DLGAP2: variants seen among roughly 807,000 people sequenced by gnomAD.
DLGAP2 encodes the protein DLG associated protein 2, also known as disks large-associated protein 2.
DLGAP2 carries 26 observed loss-of-function variants against 100.3 expected under a neutral mutation model. The observed-to-expected ratio is 0.26, with a 90% CI of 0.19 to 0.36. The LOEUF (loss-of-function observed/expected upper bound fraction) is 0.36, where lower values mean the gene tolerates loss of function less well. DLGAP2 is among the 10% of genes least tolerant of loss of function. DLGAP2 has a pLI of 1.00. For missense variants in DLGAP2, 1,858 were observed against 1,453.2 expected (o/e 1.28, Z -4.53); for synonymous variants, 886 against 630.1 (o/e 1.41, Z -6.08).
intron 8 of DLGAP2, among the ~76,000 whole-genome samples, chr8:1,639,242 G>T (rs772382937): frequency 6.6e-6 from 1 of 152,124 alleles, no homozygotes. Context: ...AGCCCACAGC[G>T]TCAGCATCGT....
chr8:982,152 A>G (rs1310774190), intron 2 of DLGAP2, among the ~76,000 whole-genome samples: 1 of 152,168 alleles, frequency 6.6e-6, no homozygotes, highest in Non-Finnish European at 1.5e-5. Flanking sequence ...GCGAGTGTGG[A>G]CAGGTTGTAT....
intron 2 of DLGAP2, among the ~76,000 whole-genome samples, chr8:1,117,267 G>A (rs1805147057): frequency 6.6e-6 from 1 of 152,196 alleles, no homozygotes; most frequent in African/African-American, 2.4e-5. Context: ...TGAGGCTGAT[G>A]GCACAACCCT....
intron 2 of DLGAP2, among the ~76,000 whole-genome samples, chr8:1,158,528 G>A (rs1479283278): frequency 6.6e-6 from 1 of 152,166 alleles, no homozygotes; most frequent in Non-Finnish European, 1.5e-5. Context: ...TATGTGAGTG[G>A]CTTTCTAAAG....
At chr8:1,183,213 G>A (rs1046096041) in intron 2 of DLGAP2, among the ~76,000 whole-genome samples, 1 of 152,158 alleles carries the variant, frequency 6.6e-6, no homozygotes, top group Non-Finnish European at 1.5e-5. Flanking sequence ...CTCGGAGCGG[G>A]GTCCTGGCGT....
chr8:1,329,746 G>A (rs1253232150), intron 3 of DLGAP2, among the ~76,000 whole-genome samples: 2 of 152,210 alleles, frequency 1.3e-5, no homozygotes, highest in African/African-American at 2.4e-5. Context: ...GGCTTGGGGT[G>A]CATTAGCCCC....
chr8:1,061,396 G>C (rs1487478007), intron 2 of DLGAP2, among the ~76,000 whole-genome samples: 2 of 152,130 alleles, frequency 1.3e-5, no homozygotes, highest in Non-Finnish European at 2.9e-5. Context: ...ATGAGTCCCA[G>C]CTCATCGGCT....
At chr8:859,492 C>G (rs1488821414) in intron 1 of DLGAP2, among the ~76,000 whole-genome samples, 3 of 152,140 alleles carry the variant, frequency 2.0e-5, no homozygotes, top group Non-Finnish European at 4.4e-5. Context: ...TGGTTAGCGG[C>G]ACGTGTGAGC....
At chr8:1,618,014 A>G (rs1041185678) in intron 6 of DLGAP2, among the ~76,000 whole-genome samples, 14 of 152,216 alleles carry the variant, frequency 9.2e-5, no homozygotes, top group Admixed American at 6.5e-4. Flanking sequence ...TAAGGGTGCA[A>G]CATTTAACTC....
chr8:1,172,119 A>G lies in DLGAP2; in HGVS notation c.74-86732A>G, dbSNP rs564450933. ...CTCAGCATTTGCTTGTCTGTAAAGT[A>G]TTTTATTTCTCCTTCACTTATGAAG... is the stretch of plus-strand genomic sequence containing the variant. On this transcript the variant is annotated intron_variant, in intron 2 of 14. Coordinates refer to ENST00000637795, the MANE Select transcript of DLGAP2 (RefSeq NM_001346810.2). Among the ~76,000 whole-genome samples the G allele has an allele frequency of 7.4e-3, 1,127 of 151,562 alleles. 4 individuals are homozygous for G. Among genetic ancestry groups the G allele is most frequent in the Non-Finnish European group, 0.012 (820 of 67,640 alleles).
At chr8:947,070 A>G (rs1799344393) in intron 2 of DLGAP2, among the ~76,000 whole-genome samples, 1 of 152,062 alleles carries the variant, frequency 6.6e-6, no homozygotes, top group Admixed American at 6.5e-5. Context: ...CCCAAGAGAG[A>G]CTTTCTAGTT....
At position 1,549,162 on chromosome 8, in the gene DLGAP2, CAGA is replaced by C; in HGVS notation, c.712_714del (p.Lys238del). ...GATCCGCCACCTGGTACACTCCGTG[CAGA>C]AGCTCTTCACCAAGTCGCACTCGCT... On this transcript the variant is annotated inframe_deletion, in exon 5 of 15. Transcript: ENST00000637795. The C allele has an allele frequency of 6.3e-7, 1 of 1,597,972 alleles. No individual in the cohort carries two copies. Among genetic ancestry groups the C allele is most frequent in the Non-Finnish European group, 8.5e-7 (1 of 1,173,386 alleles).
chr8:1,122,753 C>G (rs931706501), intron 2 of DLGAP2, among the ~76,000 whole-genome samples: 1 of 151,794 alleles, frequency 6.6e-6, no homozygotes, highest in Non-Finnish European at 1.5e-5. Flanking sequence ...CCTTCATCTT[C>G]TTTTTTCTTT....
chr8:1,049,580 T>C lies in DLGAP2; in HGVS notation c.73+141614T>C, dbSNP rs191076963. Among the ~76,000 whole-genome samples, 125 of 152,230 alleles carry C rather than the reference T, an allele frequency of 8.2e-4. 1 individual carries two copies. The highest frequency in any genetic ancestry group is 2.8e-3 in the African/African-American group (118 of 41,538). ...TAGGGCGTATACAAAAAGAAAATAT[T>C]CAGTTATTCCATATTCCTCCACTCT... is the stretch of plus-strand genomic sequence containing the variant. On this transcript the variant is annotated intron_variant, in intron 2 of 14. Transcript: ENST00000637795.
chr8:984,538 C>T (rs762661064), intron 2 of DLGAP2, among the ~76,000 whole-genome samples: 2 of 152,148 alleles, frequency 1.3e-5, no homozygotes, highest in Non-Finnish European at 2.9e-5. Context: ...AAACCACGGC[C>T]GTGCCTGGCA....
At chr8:1,122,316 C>A (rs1015926887) in intron 2 of DLGAP2, among the ~76,000 whole-genome samples, 1 of 152,148 alleles carries the variant, frequency 6.6e-6, no homozygotes, top group South Asian at 2.1e-4. Flanking sequence ...CTGGTCAGGA[C>A]TGAAAGAACC....
rs191618754 is a variant in DLGAP2, at chr8:1,705,647, G to T, written c.*4241G>T. The T allele has an allele frequency of 6.6e-6, 1 of 152,200 alleles. No individual in the cohort carries two copies. The highest frequency in any genetic ancestry group is 6.5e-5 in the Admixed American group (1 of 15,274). 9.4% of individuals were successfully genotyped at this position (152,200 alleles called of 1,614,324 possible). A position where few individuals can be genotyped will look rare whatever the true frequency, so the allele number is the denominator to read the frequency against. On this transcript the variant is annotated 3_prime_UTR_variant, in exon 15 of 15. Coordinates refer to ENST00000637795, the MANE Select transcript of DLGAP2 (RefSeq NM_001346810.2). The stretch of plus-strand genomic sequence containing the variant: ...GAAACACGCTTCTCCAACACGGGCC[G>T]AAATAACTAAACTCCACATGGTTCC...
rs562118784 is a variant in DLGAP2, at chr8:1,263,425, A to G, written c.106+4542A>G. On this transcript the variant is annotated intron_variant, in intron 3 of 14. Transcript: ENST00000637795. ...AGACCTACAGAATCTTATATTTTAG[A>G]ATTTTGGGAAGACATACAGAATCCT... is the stretch of plus-strand genomic sequence containing the variant. Among the ~76,000 whole-genome samples, 50 of 152,294 alleles carry G rather than the reference A, an allele frequency of 3.3e-4. No individual in the cohort carries two copies. In the East Asian group the frequency reaches 7.7e-3, roughly 23 times the overall value.
chr8:1,537,855 A>C (rs1801209501), intron 4 of DLGAP2, among the ~76,000 whole-genome samples: 1 of 152,246 alleles, frequency 6.6e-6, no homozygotes, highest in South Asian at 2.1e-4. Context: ...TAATATTCAG[A>C]GAAAAGAGAG....
chr8:1,526,585 G>A (rs898000096), intron 4 of DLGAP2, among the ~76,000 whole-genome samples: 3 of 152,202 alleles, frequency 2.0e-5, no homozygotes, highest in Non-Finnish European at 4.4e-5. Flanking sequence ...CGAGGAGGAC[G>A]GTGGTGAGTC....
Sources: gnomAD v4.1 joint callset for allele counts (sites outside exome capture counted in the v4.1 genomes callset) on GRCh38, gnomAD v4.1.1 for gene constraint, MANE v1.5 for transcripts, NCBI Gene and HGNC (gene_info 2026-07-23, HGNC 2026-07-21) for gene names.